The following LHFPL2 variants were observed in gnomAD, a reference collection of about 807,000 sequenced individuals.
LHFPL2 encodes the protein LHFPL tetraspan subfamily member 2.
In LHFPL2, 7 loss-of-function variants were observed where a neutral mutation model predicts 17.5. That is an observed-to-expected ratio of 0.40 (90% confidence interval 0.23 to 0.75). LHFPL2 has a LOEUF of 0.75. Ranked by LOEUF, LHFPL2 falls within the 30% of genes least tolerant of loss-of-function variation. The pLI is 0.37. For missense variants in LHFPL2, 241 were observed against 294.8 expected (o/e 0.82, Z 1.34); for synonymous variants, 134 against 116.2 (o/e 1.15, Z -0.99).
intron 2 of LHFPL2, among the ~76,000 whole-genome samples, chr5:78,576,768 GT>G (rs533666520): frequency 2.1e-3 from 312 of 152,178 alleles, no homozygotes; most frequent in Non-Finnish European, 3.7e-3. Flanking sequence ...TTGTTTGTTT[GT>G]TTCTTAACTT....
chr5:78,542,310 CCAAT>C (rs955114902), intron 3 of LHFPL2, among the ~76,000 whole-genome samples: 14 of 152,276 alleles, frequency 9.2e-5, no homozygotes, highest in African/African-American at 2.4e-4. Context: ...CACCAGTAGG[CCAAT>C]CAAAGAAGCC....
intron 3 of LHFPL2, among the ~76,000 whole-genome samples, chr5:78,539,121 G>A (rs72760985): frequency 0.025 from 3,735 of 152,236 alleles, 65 homozygotes; most frequent in Middle Eastern, 0.054. Flanking sequence ...CCACCCTCAC[G>A]GATGGGATCA....
intron 3 of LHFPL2, among the ~76,000 whole-genome samples, chr5:78,550,239 A>G (rs562305166): frequency 2.0e-5 from 3 of 152,350 alleles, no homozygotes; most frequent in East Asian, 3.9e-4. Flanking sequence ...AGGCTCATCC[A>G]TCTTCACAAC....
intron 2 of LHFPL2, among the ~76,000 whole-genome samples, chr5:78,612,472 C>T: frequency 6.6e-6 from 1 of 152,168 alleles, no homozygotes; most frequent in Non-Finnish European, 1.5e-5. Flanking sequence ...AAATATCATC[C>T]TCAAAATAAC....
At chr5:78,533,458 C>T (rs1157474202) in intron 3 of LHFPL2, among the ~76,000 whole-genome samples, 4 of 152,148 alleles carry the variant, frequency 2.6e-5, no homozygotes, top group African/African-American at 7.2e-5. Flanking sequence ...GTCCTGTTCA[C>T]GCTGTGAGAG....
chr5:78,580,050 A>G (rs1036332443), intron 2 of LHFPL2, among the ~76,000 whole-genome samples: 22 of 152,292 alleles, frequency 1.4e-4, no homozygotes, highest in Middle Eastern at 3.4e-3. Flanking sequence ...TCTAACTGGT[A>G]TGAGATGGTA....
chr5:78,538,843 A>G (rs186628404), intron 3 of LHFPL2, among the ~76,000 whole-genome samples: 2 of 152,336 alleles, frequency 1.3e-5, no homozygotes, highest in African/African-American at 4.8e-5. Flanking sequence ...TCAGGTCTGC[A>G]GCCACACACC....
At chr5:78,595,590 C>G (rs1455761740) in intron 2 of LHFPL2, among the ~76,000 whole-genome samples, 2 of 152,208 alleles carry the variant, frequency 1.3e-5, no homozygotes, top group Admixed American at 6.5e-5. Flanking sequence ...CTGCTTACTG[C>G]AGCCTTGAAC....
intron 2 of LHFPL2, among the ~76,000 whole-genome samples, chr5:78,610,491 C>G (rs778620477): frequency 2.1e-4 from 32 of 152,162 alleles, no homozygotes; most frequent in Non-Finnish European, 4.0e-4. Flanking sequence ...AAGCCAAGGG[C>G]CTGCTGGGGA....
chr5:78,541,064 A>G (rs1021692545), intron 3 of LHFPL2, among the ~76,000 whole-genome samples: 1 of 152,220 alleles, frequency 6.6e-6, no homozygotes, highest in African/African-American at 2.4e-5. Context: ...ACAAAGGAAC[A>G]GAAAATCCTT....
At chr5:78,602,218 AG>A (rs1294118329) in intron 2 of LHFPL2, among the ~76,000 whole-genome samples, 1 of 152,174 alleles carries the variant, frequency 6.6e-6, no homozygotes, top group Non-Finnish European at 1.5e-5. Flanking sequence ...AAAGGAAAAA[AG>A]AAAAAAAAAT....
At chr5:78,544,205 A>T (rs1756199569) in intron 3 of LHFPL2, among the ~76,000 whole-genome samples, 1 of 152,212 alleles carries the variant, frequency 6.6e-6, no homozygotes, top group Non-Finnish European at 1.5e-5. Context: ...TGAGAACTTC[A>T]ACACCCCAGC....
At chr5:78,539,688 G>A (rs752603311) in intron 3 of LHFPL2, among the ~76,000 whole-genome samples, 10 of 152,176 alleles carry the variant, frequency 6.6e-5, no homozygotes, top group Admixed American at 2.0e-4. Context: ...TGGGGTCTCC[G>A]GACAGGCTGC....
intron 2 of LHFPL2, among the ~76,000 whole-genome samples, chr5:78,619,597 C>A (rs1264043838): frequency 7.0e-6 from 1 of 142,020 alleles, no homozygotes; most frequent in Non-Finnish European, 1.5e-5. Context: ...GTGTGCTGCA[C>A]CCATTAACTC....
In LHFPL2 at chr5:78,487,104, C is replaced by G. The variant is rs558518427; in HGVS notation, c.*1793G>C. 8.5e-5 allele frequency: 13 copies of G among 152,246 alleles called. No individual in the cohort carries two copies. Among genetic ancestry groups the G allele is most frequent in the African/African-American group, 2.2e-4 (9 of 41,556 alleles). 9.4% of individuals were successfully genotyped at this position (152,246 alleles called of 1,614,324 possible). ...TTCACCAAAATCACAGGATTTACAT[C>G]TCACTCACTTTGAATTTTGGTTCAG... is the stretch of plus-strand genomic sequence containing the variant. On this transcript the variant is annotated 3_prime_UTR_variant, in exon 5 of 5. Transcript: ENST00000380345.
intron 1 of LHFPL2, among the ~76,000 whole-genome samples, chr5:78,633,736 T>G (rs1321536855): frequency 6.6e-6 from 1 of 152,194 alleles, no homozygotes; most frequent in Non-Finnish European, 1.5e-5. Context: ...TGAGCCACCT[T>G]CAGGGTAGGG....
intron 2 of LHFPL2, among the ~76,000 whole-genome samples, chr5:78,567,057 TA>T (rs1450233333): frequency 1.3e-5 from 2 of 152,172 alleles, no homozygotes; most frequent in African/African-American, 4.8e-5. Context: ...TTTTTACATA[TA>T]AACCAAGCAA....
chr5:78,557,541 G>A (rs906017384), intron 3 of LHFPL2, among the ~76,000 whole-genome samples: 1 of 152,232 alleles, frequency 6.6e-6, no homozygotes, highest in Non-Finnish European at 1.5e-5. Flanking sequence ...AGCCAGAGGA[G>A]ACCAGCTCTT....
Position 78,488,248 on chromosome 5 carries a change from A to C in LHFPL2, c.*649T>G, listed in dbSNP as rs781320181. On this transcript the variant is annotated 3_prime_UTR_variant, in exon 5 of 5. Transcript: ENST00000380345. The stretch of plus-strand genomic sequence containing the variant: ...TTGTATAGGTCCTTATTGTTTCTTT[A>C]CTCAAATTTCTAAAATCTCTGGAGT... 2 of 153,076 alleles carry C rather than the reference A, an allele frequency of 1.3e-5. No homozygotes were observed. The highest frequency in any genetic ancestry group is 2.9e-5 in the Non-Finnish European group (2 of 68,726). 9.5% of individuals were successfully genotyped at this position (153,076 alleles called of 1,614,324 possible).
Sources: allele counts gnomAD v4.1 joint callset (sites outside exome capture counted in the v4.1 genomes callset), GRCh38; gene constraint gnomAD v4.1.1; transcripts MANE v1.5; gene names NCBI Gene and HGNC (gene_info 2026-07-23, HGNC 2026-07-21).